SLK: variants seen among roughly 807,000 people sequenced by gnomAD.
SLK encodes the protein STE20 like kinase.
SLK carries 67 observed loss-of-function variants against 147.7 expected under a neutral mutation model. The observed-to-expected ratio is 0.45, with a 90% CI of 0.37 to 0.56. The LOEUF is 0.56. SLK is among the 20% of genes least tolerant of loss of function. SLK has a pLI of 0.00. For missense variants in SLK, 1,136 were observed against 1,438.8 expected (o/e 0.79, Z 3.41); for synonymous variants, 441 against 475.0 (o/e 0.93, Z 0.93).
At chr10:103,981,710 G>C (rs374318233) in intron 1 of SLK, among the ~76,000 whole-genome samples, 4 of 151,694 alleles carry the variant, frequency 2.6e-5, no homozygotes, top group African/African-American at 9.7e-5. Flanking sequence ...TATATTTCAG[G>C]ACTGCACTGT....
intron 1 of SLK, among the ~76,000 whole-genome samples, chr10:103,985,108 G>A (rs1475257): frequency 0.76 from 115,441 of 152,144 alleles, 43,827 homozygotes; most frequent in East Asian, 0.86. Context: ...TATTGTTACA[G>A]TTGTTCTATT....
chr10:104,008,812 A>T (rs1844362667), intron 12 of SLK, among the ~76,000 whole-genome samples: 2 of 152,148 alleles, frequency 1.3e-5, no homozygotes, highest in Non-Finnish European at 2.9e-5. Context: ...GTTATTTTTC[A>T]TCTTTAATTC....
At chr10:104,011,306 G>A (rs1224177310) in intron 13 of SLK, among the ~76,000 whole-genome samples, 2 of 152,132 alleles carry the variant, frequency 1.3e-5, no homozygotes, top group Admixed American at 6.5e-5. Context: ...CCATTAAAAC[G>A]CTATTATTTC....
At chr10:104,022,576 G>A (rs566138627) in intron 18 of SLK, among the ~76,000 whole-genome samples, 28 of 152,292 alleles carry the variant, frequency 1.8e-4, no homozygotes, top group African/African-American at 6.3e-4. Context: ...TGTGCCAAAG[G>A]AAGTGAAATG....
intron 1 of SLK, among the ~76,000 whole-genome samples, chr10:103,968,725 A>C (rs1843753153): frequency 6.6e-6 from 1 of 152,248 alleles, no homozygotes; most frequent in South Asian, 2.1e-4. Context: ...AAAACGTAAG[A>C]AAATAACTTA....
At chr10:104,019,496 T>C (rs1244710523) in intron 15 of SLK, among the ~76,000 whole-genome samples, 1 of 152,144 alleles carries the variant, frequency 6.6e-6, no homozygotes. Context: ...GGTCTCAAAC[T>C]CCTAGGCTCA....
At chr10:103,998,687 A>G (rs1011065414) in intron 4 of SLK, among the ~76,000 whole-genome samples, 2 of 152,182 alleles carry the variant, frequency 1.3e-5, no homozygotes, top group African/African-American at 4.8e-5. Context: ...TATTAAATGT[A>G]TTGATAATGG....
Position 104,025,806 on chromosome 10 carries a change from AT to A in SLK, c.*87del. ...TCTGCCACAGTCTCTCAGATAGCTC[AT>A]GAAGACAATCACCTGCCTCACCTTC... On this transcript the variant is annotated 3_prime_UTR_variant, in exon 19 of 19. Coordinates refer to ENST00000369755, the MANE Select transcript of SLK (RefSeq NM_014720.4). 8.6e-7 allele frequency: 1 copy of A among 1,156,644 alleles called. No homozygotes were observed. The highest frequency in any genetic ancestry group is 1.2e-6 in the Non-Finnish European group (1 of 811,504). The allele number at this position is 1,156,644 out of a possible 1,614,324, so 71.6% of individuals were successfully genotyped here.
At chr10:103,993,193 T>A in intron 4 of SLK, 60 bp downstream of exon 4, 1 of 1,291,126 alleles carries the variant, frequency 7.7e-7, no homozygotes, top group Non-Finnish European at 1.1e-6. Context: ...CATCTTTATG[T>A]ATGTGACTTA....
At chr10:104,023,612 A>G (rs563514617) in intron 18 of SLK, among the ~76,000 whole-genome samples, 51 of 152,206 alleles carry the variant, frequency 3.4e-4, no homozygotes, top group African/African-American at 1.2e-3. Flanking sequence ...CCCATTTTCC[A>G]TCTGGGTGTT....
intron 18 of SLK, 52 bp from the exon 19 acceptor site, chr10:104,025,522 T>C: frequency 6.4e-7 from 1 of 1,555,310 alleles, no homozygotes; most frequent in Non-Finnish European, 8.8e-7. Context: ...TCAGCATAAA[T>C]TCTATATATA....
Position 104,002,994 on chromosome 10 carries a change from G to A in SLK, c.1816G>A (p.Val606Ile). The A allele has an allele frequency of 6.2e-7, 1 of 1,613,784 alleles. No individual in the cohort carries two copies. The highest frequency in any genetic ancestry group is 8.5e-7 in the Non-Finnish European group (1 of 1,179,764). ...TAAGGAAGTTCCTATTAAAGAAATA[G>A]TTGAAATGAATGAAATAGAAGAAGG... ...GTKEVPIKEI[V>I]EMNEIEEGKN... Residue 606 changes from valine to isoleucine, a missense_variant, in exon 9 of 19, where the codon GTT (valine) becomes ATT (isoleucine). Val to Ile is a conservative substitution (Grantham distance 29). Coordinates refer to ENST00000369755, the MANE Select transcript of SLK (RefSeq NM_014720.4).
chr10:103,970,603 CCT>C (rs1489612783), intron 1 of SLK, among the ~76,000 whole-genome samples: 1 of 152,040 alleles, frequency 6.6e-6, no homozygotes, highest in African/African-American at 2.4e-5. Flanking sequence ...CTTCTTATGG[CCT>C]CTTTTTTCTA....
At chr10:103,986,652 A>C (rs1440469591) in intron 1 of SLK, among the ~76,000 whole-genome samples, 2 of 147,824 alleles carry the variant, frequency 1.4e-5, no homozygotes, top group Non-Finnish European at 3.0e-5. Context: ...TATTTCATTA[A>C]GCCTTTATGT....
chr10:104,006,082 TG>T, intron 11 of SLK, 47 bp downstream of exon 11: 1 of 1,548,194 alleles, frequency 6.5e-7, no homozygotes, highest in Non-Finnish European at 8.8e-7. Flanking sequence ...GTGTTAATAA[TG>T]ACATTTACTG....
chr10:104,021,884 C>T, intron 18 of SLK, 151 bp downstream of exon 18: 1 of 547,310 alleles, frequency 1.8e-6, no homozygotes, highest in Non-Finnish European at 3.3e-6. Context: ...GTTTTGGAAT[C>T]TAGTGACAAG....
In SLK at chr10:104,027,240, TTGTC is replaced by T. The variant is rs1844610063; in HGVS notation, c.*1521_*1524del. 3 of 152,648 alleles carry T rather than the reference TTGTC, an allele frequency of 2.0e-5. No homozygotes were observed. The highest frequency in any genetic ancestry group is 7.2e-5 in the African/African-American group (3 of 41,462). The allele number at this position is 152,648 out of a possible 1,614,324, so 9.5% of individuals were successfully genotyped here. A position where few individuals can be genotyped will look rare whatever the true frequency, so the allele number is the denominator to read the frequency against. The stretch of plus-strand genomic sequence containing the variant: ...GAAAACTTTGGATGCTGAACCTTGT[TTGTC>T]AGTGATTTAGATGATTTAAAAATGC... On this transcript the variant is annotated 3_prime_UTR_variant, in exon 19 of 19. Coordinates refer to ENST00000369755, the MANE Select transcript of SLK (RefSeq NM_014720.4).
rs563800188 is a variant in SLK at position 103,992,216 on chromosome 10, A to T, written c.316-382A>T. On this transcript the variant is annotated intron_variant, in intron 2 of 18. Coordinates refer to ENST00000369755, the MANE Select transcript of SLK (RefSeq NM_014720.4). ...GATTTATTCCTATTTAATACAGTTT[A>T]AAAAAACAAATGTATATTTGTTCAC... Among the ~76,000 whole-genome samples the T allele has an allele frequency of 4.5e-5, 6 of 133,374 alleles. No homozygotes were observed. The East Asian group carries it at 1.3e-3, about 29-fold the overall frequency. The allele number at this position is 133,374 out of a possible 152,430, so 87.5% of individuals were successfully genotyped here.
intron 1 of SLK, among the ~76,000 whole-genome samples, chr10:103,986,502 G>A (rs771054399): frequency 6.6e-6 from 1 of 152,124 alleles, no homozygotes; most frequent in Admixed American, 6.5e-5. Context: ...GGTATTGTGA[G>A]CAATGGGGAG....
Sources: gnomAD v4.1 joint callset for allele counts (sites outside exome capture counted in the v4.1 genomes callset) on GRCh38, gnomAD v4.1.1 for gene constraint, MANE v1.5 for transcripts, NCBI Gene and HGNC (gene_info 2026-07-23, HGNC 2026-07-21) for gene names.